The following RLF variants were observed in gnomAD, a reference collection of about 807,000 sequenced individuals.
The protein encoded by RLF is zinc finger protein Rlf.
A neutral mutation model predicts 162.9 loss-of-function variants in RLF; 7 were observed. The observed-to-expected ratio is 0.04, with a 90% confidence interval of 0.02 to 0.08. The LOEUF is 0.08. Ranked by LOEUF, RLF falls within the 10% of genes least tolerant of loss-of-function variation. The pLI is 1.00. For synonymous variants in RLF, 782 were observed against 791.5 expected (o/e 0.99, Z 0.20); for missense variants, 1,664 against 2,244.7 (o/e 0.74, Z 5.23).
At chr1:40,163,296 G>A (rs1296313034) in intron 1 of RLF, among the ~76,000 whole-genome samples, 6 of 152,116 alleles carry the variant, frequency 3.9e-5, no homozygotes, top group Non-Finnish European at 8.8e-5. Context: ...GACCCAGAAT[G>A]CTATGGGAGG....
chr1:40,196,368 G>A (rs536428234), intron 4 of RLF, among the ~76,000 whole-genome samples: 18 of 152,024 alleles, frequency 1.2e-4, no homozygotes, highest in South Asian at 6.2e-4. Context: ...CACTGCGCCC[G>A]GTCTGCTTAT....
chr1:40,194,613 A>C (rs1642604535), intron 3 of RLF, among the ~76,000 whole-genome samples: 1 of 151,736 alleles, frequency 6.6e-6, no homozygotes, highest in Non-Finnish European at 1.5e-5. Flanking sequence ...CAAAACAAAA[A>C]AAATAAATCA....
chr1:40,175,380 G>C (rs928816513), intron 1 of RLF, among the ~76,000 whole-genome samples: 2 of 152,056 alleles, frequency 1.3e-5, no homozygotes, highest in African/African-American at 4.8e-5. Context: ...GCCAGGCACG[G>C]TGGCTCACAT....
intron 7 of RLF, among the ~76,000 whole-genome samples, chr1:40,232,170 T>C (rs1229068219): frequency 2.7e-5 from 4 of 150,172 alleles, no homozygotes; most frequent in Non-Finnish European, 4.4e-5. Context: ...ATTGCACTGC[T>C]GCACTCCAGC....
At position 40,238,096 on chromosome 1, in the gene RLF, C is replaced by G. The variant is rs753547622; in HGVS notation, c.3394C>G (p.Gln1132Glu). 17 of 1,613,874 alleles carry G rather than the reference C, an allele frequency of 1.1e-5. No homozygotes were observed. The highest frequency in any genetic ancestry group is 1.4e-5 in the Non-Finnish European group (17 of 1,179,972). ...GGCTAAGCCGTTTTTCTGTGAGCTT[C>G]AAGGATGCAAATATGAATTTGTGAC... ...LAAKPFFCEL[Q>E]GCKYEFVTRE... The change falls in exon 8 of 8, where the codon CAA (glutamine) becomes GAA (glutamate). Residue 1132 changes from glutamine to glutamate, a missense_variant. This residue lies in a region of RLF where 30 missense variants were observed against 116.5 expected (regional missense o/e 0.26). Coordinates refer to ENST00000372771, the MANE Select transcript of RLF (RefSeq NM_012421.4). This position sits in a 1 kb window ranked among gnomAD's most constrained non-coding sequence, Gnocchi z 5.2.
chr1:40,209,621 T>C (rs888860255), intron 5 of RLF, among the ~76,000 whole-genome samples: 1 of 152,218 alleles, frequency 6.6e-6, no homozygotes, highest in African/African-American at 2.4e-5. Flanking sequence ...CTCATGCCTG[T>C]AATCCCAACA....
Position 40,202,574 on chromosome 1 carries a change from G to A in RLF, c.770G>A (p.Cys257Tyr). ...TCTTTTCAGCAAGCCTATATCACAT[G>A]TTTATGTTCTATGCTCCCTAATGAA... is the stretch of plus-strand genomic sequence containing the variant. Reference protein sequence around the residue: ...VSSFQQAYITCLCSMLPNEDA... With the variant: ...VSSFQQAYITYLCSMLPNEDA... The change falls in exon 5 of 8, where the codon TGT becomes TAT. Residue 257 changes from cysteine to tyrosine, a missense_variant. Cys to Tyr is a radical substitution (Grantham distance 194). Around this residue, in one of 15 missense-constraint regions of RLF, gnomAD observed 287 missense variants for 404.9 expected, o/e 0.71. Transcript: ENST00000372771. 3 of 1,556,066 alleles carry A rather than the reference G, an allele frequency of 1.9e-6. No homozygotes were observed. Among genetic ancestry groups the A allele is most frequent in the Non-Finnish European group, 2.6e-6 (3 of 1,162,570 alleles).
chr1:40,202,491 C>G lies in RLF; in HGVS notation c.687C>G (p.Pro229=), dbSNP rs1642730764. 1.9e-6 allele frequency: 3 copies of G among 1,585,684 alleles called. No individual in the cohort carries two copies. The highest frequency in any genetic ancestry group is 2.6e-6 in the Non-Finnish European group (3 of 1,171,930). Residue 229 remains proline, a synonymous_variant, in exon 5 of 8, where the codon CCC becomes CCG. Transcript: ENST00000372771. Reference sequence around the variant, plus strand: ...ATTTGTTGAAATCTAACTGCATCCCCCAGGCTACTGCTTTATCAAAACTAT... The same window carrying G: ...ATTTGTTGAAATCTAACTGCATCCCGCAGGCTACTGCTTTATCAAAACTAT... The part of the protein sequence containing the change: ...IKHLLKSNCI[P]QATALSKLCA...
chr1:40,174,786 G>T (rs911837017), intron 1 of RLF, among the ~76,000 whole-genome samples: 1 of 152,204 alleles, frequency 6.6e-6, no homozygotes, highest in South Asian at 2.1e-4. Flanking sequence ...GCCCATGCCA[G>T]TGGAAACTAC....
intron 1 of RLF, among the ~76,000 whole-genome samples, chr1:40,183,632 T>C (rs536364241): frequency 6.6e-6 from 1 of 152,198 alleles, no homozygotes; most frequent in South Asian, 2.1e-4. Context: ...AAAGAAAGCG[T>C]GGTGATTAAG....
Position 40,237,004 on chromosome 1 carries a change from G to A in RLF, c.2302G>A (p.Asp768Asn), listed in dbSNP as rs1277769114. The A allele has an allele frequency of 3.7e-6, 6 of 1,613,988 alleles. No homozygotes were observed. The highest frequency in any genetic ancestry group is 2.2e-5 in the South Asian group (2 of 91,074). ...ELLNHKQKHD[D>N]LRYKCELNGC... Reference sequence around the variant, plus strand: ...ACTTAACCATAAACAAAAGCATGACGATCTGCGTTACAAATGTGAATTAAA... The same window carrying A: ...ACTTAACCATAAACAAAAGCATGACAATCTGCGTTACAAATGTGAATTAAA... Residue 768 changes from aspartate (D) to asparagine (N), a missense_variant, in exon 8 of 8, where the codon GAT (aspartate) becomes AAT (asparagine). This residue lies in a region of RLF where 69 missense variants were observed against 206.4 expected (regional missense o/e 0.33). Coordinates refer to ENST00000372771, the MANE Select transcript of RLF (RefSeq NM_012421.4). The surrounding 1 kb of genome is among the most constrained non-coding windows in gnomAD (Gnocchi z 4.4).
chr1:40,176,405 T>G (rs1349336114), intron 1 of RLF, among the ~76,000 whole-genome samples: 1 of 152,212 alleles, frequency 6.6e-6, no homozygotes, highest in Non-Finnish European at 1.5e-5. Flanking sequence ...CACTCTAAAA[T>G]TGCTGTTAGT....
chr1:40,213,984 C>T (rs1642893756), intron 5 of RLF, among the ~76,000 whole-genome samples: 1 of 152,196 alleles, frequency 6.6e-6, no homozygotes, highest in Non-Finnish European at 1.5e-5. Context: ...GTTTAATTGC[C>T]TGATTATTTT....
chr1:40,221,934 C>CCCCAGAAAA (rs1264654003), intron 5 of RLF, among the ~76,000 whole-genome samples: 7 of 142,244 alleles, frequency 4.9e-5, no homozygotes, highest in Non-Finnish European at 4.6e-5. Context: ...AGGAAAGGAG[C>CCCCAGAAAA]CCCAGAAAAA....
At chr1:40,190,130 C>T (rs768821129) in intron 2 of RLF, among the ~76,000 whole-genome samples, 2 of 151,826 alleles carry the variant, frequency 1.3e-5, no homozygotes, top group Non-Finnish European at 2.9e-5. Flanking sequence ...TATTGTAATC[C>T]CTAAGGGGTA....
intron 5 of RLF, among the ~76,000 whole-genome samples, chr1:40,207,931 T>A (rs927013679): frequency 6.6e-6 from 1 of 152,152 alleles, no homozygotes; most frequent in Admixed American, 6.6e-5. Flanking sequence ...ATTTAAGATG[T>A]ACTTATATCT....
At chr1:40,193,199 A>T (rs1206803948) in intron 3 of RLF, among the ~76,000 whole-genome samples, 1 of 151,756 alleles carries the variant, frequency 6.6e-6, no homozygotes, top group East Asian at 1.9e-4. Flanking sequence ...CTGGGCTAGG[A>T]TATTTCCACC....
At chr1:40,172,304 C>G (rs1642256353) in intron 1 of RLF, among the ~76,000 whole-genome samples, 1 of 152,142 alleles carries the variant, frequency 6.6e-6, no homozygotes. Context: ...TCCTTAAAAA[C>G]ACAAGTACTC....
chr1:40,225,484 CAGG>C (rs1643056972), intron 6 of RLF, among the ~76,000 whole-genome samples: 2 of 150,518 alleles, frequency 1.3e-5, no homozygotes. Context: ...GAGGCTGAGG[CAGG>C]AGAATTGCTA....
Sources: gnomAD v4.1 joint callset for allele counts (sites outside exome capture counted in the v4.1 genomes callset) on GRCh38, gnomAD v4.1.1 for gene constraint, gnomAD v4.1.1 regional missense constraint, Gnocchi (gnomAD v3.1) non-coding constraint, MANE v1.5 for transcripts, NCBI Gene and HGNC (gene_info 2026-07-23, HGNC 2026-07-21) for gene names.